Variants in SYN3 observed in about 807,000 individuals in gnomAD.
The protein encoded by SYN3 is synapsin III, also known as synapsin-3.
A neutral mutation model predicts 65.8 loss-of-function variants in SYN3; 35 were observed. That is an observed-to-expected ratio of 0.53 (90% CI 0.41 to 0.70). The LOEUF is 0.70. Ranked by LOEUF, SYN3 falls within the 30% of genes least tolerant of loss-of-function variation. The pLI is 0.00. For missense variants in SYN3, 680 were observed against 749.0 expected, an observed-to-expected ratio of 0.91 and a Z score of 1.08; for synonymous variants, 270 against 292.9, an observed-to-expected ratio of 0.92 and a Z score of 0.80.
At chr22:32,826,288 G>T (rs185996974) in intron 6 of SYN3, among the ~76,000 whole-genome samples, 11 of 152,222 alleles carry the variant, frequency 7.2e-5, no homozygotes, top group Admixed American at 7.2e-4. Context: ...AAATTAGCTG[G>T]GTGTGGTGGT....
chr22:32,567,659 AG>A (rs1315927403), intron 7 of SYN3, among the ~76,000 whole-genome samples: 1 of 152,148 alleles, frequency 6.6e-6, no homozygotes, highest in Non-Finnish European at 1.5e-5. Context: ...TACTTTGGAC[AG>A]TGGATACCAA....
chr22:33,031,502 T>C (rs1173967479), intron 1 of SYN3, among the ~76,000 whole-genome samples: 1 of 152,018 alleles, frequency 6.6e-6, no homozygotes. Flanking sequence ...CAAAGGCAGC[T>C]CTCCTTTGGT....
chr22:32,796,722 C>T (rs2046436707), intron 6 of SYN3, among the ~76,000 whole-genome samples: 1 of 152,058 alleles, frequency 6.6e-6, no homozygotes, highest in Non-Finnish European at 1.5e-5. Context: ...GGCATCGTGG[C>T]TAGGGTCTGG....
At chr22:32,686,913 T>C (rs2147137027) in intron 6 of SYN3, among the ~76,000 whole-genome samples, 1 of 151,914 alleles carries the variant, frequency 6.6e-6, no homozygotes, top group East Asian at 2.0e-4. Flanking sequence ...CCATTTGATT[T>C]TGATGTTATG....
At position 32,726,851 on chromosome 22, in the gene SYN3, T is replaced by C. The variant is rs571973299; in HGVS notation, c.712-130115A>G. On this transcript the variant is annotated intron_variant, in intron 6 of 13. Coordinates refer to ENST00000358763, the MANE Select transcript of SYN3 (RefSeq NM_003490.4). Reference sequence around the variant, plus strand: ...GTGGTTCCTCAGCCTCCATTCTTACTATCCCACAACCCATTCTCAACAAAG... The same window carrying C: ...GTGGTTCCTCAGCCTCCATTCTTACCATCCCACAACCCATTCTCAACAAAG... Among the ~76,000 whole-genome samples, 5 of 152,232 alleles carry C rather than the reference T, an allele frequency of 3.3e-5. No homozygotes were observed. In the South Asian group the frequency reaches 1.0e-3, roughly 32 times the overall value.
chr22:32,736,039 AT>A (rs2061333477), intron 6 of SYN3, among the ~76,000 whole-genome samples: 1 of 152,212 alleles, frequency 6.6e-6, no homozygotes, highest in Admixed American at 6.5e-5. Context: ...AGGTAGGCTC[AT>A]GTAGTTCAAC....
chr22:32,594,549 G>C (rs2019913), intron 7 of SYN3, among the ~76,000 whole-genome samples: 1 of 151,362 alleles, frequency 6.6e-6, no homozygotes, highest in Non-Finnish European at 1.5e-5. Flanking sequence ...GTGCAATGGC[G>C]TGATCTCGGC....
chr22:32,626,590 G>A (rs1003533902), intron 6 of SYN3, among the ~76,000 whole-genome samples: 1 of 152,208 alleles, frequency 6.6e-6, no homozygotes, highest in Non-Finnish European at 1.5e-5. Flanking sequence ...GCAGAGCTGA[G>A]AAAGATGGGG....
intron 6 of SYN3, chr22:32,849,467 T>C: frequency 6.2e-7 from 1 of 1,613,628 alleles, no homozygotes; most frequent in Non-Finnish European, 8.5e-7. Context: ...CGGGCCAAGG[T>C]GGTGGGGAAG....
At chr22:32,628,608 C>T (rs1259447242) in intron 6 of SYN3, among the ~76,000 whole-genome samples, 1 of 152,104 alleles carries the variant, frequency 6.6e-6, no homozygotes, top group Non-Finnish European at 1.5e-5. Context: ...TTTGGCCGGG[C>T]GTGGTGGCTC....
chr22:32,772,169 T>C (rs911277577), intron 6 of SYN3, among the ~76,000 whole-genome samples: 6 of 152,026 alleles, frequency 3.9e-5, no homozygotes, highest in African/African-American at 1.4e-4. Flanking sequence ...CTGAGGATAG[T>C]GCTGGGCCAC....
chr22:32,659,274 G>A (rs796253087), intron 6 of SYN3, among the ~76,000 whole-genome samples: 1 of 152,178 alleles, frequency 6.6e-6, no homozygotes, highest in Non-Finnish European at 1.5e-5. Context: ...GTGTTAGAAA[G>A]GTCCATGTGG....
intron 4 of SYN3, among the ~76,000 whole-genome samples, chr22:32,929,362 T>G (rs2050566244): frequency 6.6e-6 from 1 of 152,052 alleles, no homozygotes; most frequent in Admixed American, 6.6e-5. Flanking sequence ...TACCTGATTT[T>G]TTTCAATTTG....
intron 6 of SYN3, chr22:32,861,595 C>T (rs979374297): frequency 1.3e-5 from 2 of 152,622 alleles, no homozygotes; most frequent in African/African-American, 2.4e-5. Flanking sequence ...GCCTCTCTCA[C>T]ACAAGGAGGA....
Position 32,802,025 on chromosome 22 carries a change from C to A in SYN3, c.711+62890G>T, listed in dbSNP as rs2046600499. 4.4e-6 allele frequency: 7 copies of A among 1,576,918 alleles called. No individual in the cohort carries two copies. The highest frequency in any genetic ancestry group is 6.0e-6 in the Non-Finnish European group (7 of 1,166,632). On this transcript the variant is annotated intron_variant, in intron 6 of 13. Coordinates refer to ENST00000358763, the MANE Select transcript of SYN3 (RefSeq NM_003490.4). ...CAATGACCCCTTGGCTCGGGCTCAT[C>A]GTGCTCCTGGGCAGCTGGAGCCTGG...
At chr22:32,516,385 A>T (rs561829925) in intron 13 of SYN3, among the ~76,000 whole-genome samples, 3 of 138,430 alleles carry the variant, frequency 2.2e-5, no homozygotes, top group Admixed American at 6.9e-5. Context: ...ATTTATTGAG[A>T]TGGAGTCTCA....
At chr22:32,704,918 T>G (rs550877172) in intron 6 of SYN3, among the ~76,000 whole-genome samples, 3 of 152,220 alleles carry the variant, frequency 2.0e-5, no homozygotes, top group Admixed American at 1.3e-4. Context: ...CTGTTTTTCT[T>G]GCACATTTAA....
At chr22:33,010,433 T>C (rs191504761) in intron 1 of SYN3, among the ~76,000 whole-genome samples, 96 of 152,266 alleles carry the variant, frequency 6.3e-4, no homozygotes, top group Middle Eastern at 3.4e-3. Context: ...TATGAAAGTA[T>C]TTTTCTCCCA....
intron 6 of SYN3, among the ~76,000 whole-genome samples, chr22:32,785,335 A>G (rs2145851503): frequency 6.6e-6 from 1 of 152,248 alleles, no homozygotes; most frequent in East Asian, 1.9e-4. Flanking sequence ...GGAAGTTGAC[A>G]CCATGCTTCC....
Sources: allele counts gnomAD v4.1 joint callset (sites outside exome capture counted in the v4.1 genomes callset), GRCh38; gene constraint gnomAD v4.1.1; transcripts MANE v1.5; gene names NCBI Gene and HGNC (gene_info 2026-07-23, HGNC 2026-07-21).